The following KLF17 variants were observed in gnomAD, a reference collection of about 807,000 sequenced individuals.
KLF17 encodes KLF transcription factor 17, also known as Krueppel-like factor 17.
KLF17 carries 31 observed loss-of-function variants against 34.2 expected under a neutral mutation model. The ratio of observed to expected loss-of-function variants is 0.91; its 90% CI spans 0.68 to 1.22. KLF17 has a LOEUF of 1.22. KLF17 is among the 50% of genes most tolerant of loss of function. KLF17 has a pLI of 0.00. For synonymous variants in KLF17, 179 were observed against 186.7 expected, an observed-to-expected ratio of 0.96 and a Z score of 0.34; for missense variants, 478 against 505.2, an observed-to-expected ratio of 0.95 and a Z score of 0.52.
At chr1:44,050,732 T>C in the KLF17 span, among the ~76,000 whole-genome samples, 114,529 of 152,068 alleles carry the variant, frequency 0.75, 43,453 homozygotes, top group African/African-American at 0.82. Flanking sequence ...GCCTGGCTAA[T>C]ATGGTGAAAC....
the KLF17 span, among the ~76,000 whole-genome samples, chr1:44,111,463 G>GCTT: frequency 1.1e-5 from 1 of 90,476 alleles, no homozygotes; most frequent in Non-Finnish European, 2.1e-5. Context: ...TTTGCAACTT[G>GCTT]TTTTTTTTTT....
At chr1:44,095,969 T>C in the KLF17 span, among the ~76,000 whole-genome samples, 1 of 152,198 alleles carries the variant, frequency 6.6e-6, no homozygotes, top group Admixed American at 6.5e-5. Flanking sequence ...TGAGACAGAG[T>C]CTTGCTCTGT....
At chr1:44,053,587 C>T in the KLF17 span, among the ~76,000 whole-genome samples, 3 of 152,168 alleles carry the variant, frequency 2.0e-5, no homozygotes, top group Non-Finnish European at 4.4e-5. Context: ...ACCAGTACTA[C>T]CAGGAGTTGG....
At position 44,129,949 on chromosome 1, in the gene KLF17, G is replaced by A. The variant is rs771357715; in HGVS notation, c.678G>A (p.Glu226=). 3.7e-6 allele frequency: 6 copies of A among 1,614,060 alleles called. No homozygotes were observed. Among genetic ancestry groups the A allele is most frequent in the Non-Finnish European group, 5.1e-6 (6 of 1,180,052 alleles). Residue 226 remains glutamate (E), a synonymous_variant, in exon 2 of 4, where the codon GAG becomes GAA. Transcript: ENST00000372299. The part of the protein sequence containing the change: ...DAHDLGMPPA[E]SQSLLVLGSQ... ...ATGACCTTGGGATGCCCCCAGCTGA[G>A]TCCCAGTCATTGCTGGTTTTAGGAT...
chr1:44,061,508 A>G, the KLF17 span, among the ~76,000 whole-genome samples: 2 of 152,334 alleles, frequency 1.3e-5, no homozygotes, highest in South Asian at 2.1e-4. Context: ...TACCATTGCC[A>G]TGGCAATGCC....
chr1:44,125,556 C>T (rs1031633703), intron 1 of KLF17, among the ~76,000 whole-genome samples: 5 of 152,182 alleles, frequency 3.3e-5, no homozygotes, highest in African/African-American at 1.2e-4. Context: ...CAAACTCTGT[C>T]TCCTGGATTC....
chr1:44,069,476 G>T, the KLF17 span, among the ~76,000 whole-genome samples: 3 of 42,712 alleles, frequency 7.0e-5, no homozygotes, highest in African/African-American at 2.4e-4. The surrounding 1 kb of genome is among the most constrained non-coding windows in gnomAD (Gnocchi z 4.7). Context: ...TGGCGAGAGA[G>T]AGAGAGAGAG....
chr1:44,083,281 G>GT, the KLF17 span, among the ~76,000 whole-genome samples: 33,966 of 143,208 alleles, frequency 0.24, 4,262 homozygotes, highest in Non-Finnish European at 0.29. Flanking sequence ...ATTGAGTAGG[G>GT]TTTTTTTTTT....
chr1:44,125,615 C>T (rs2087998430), intron 1 of KLF17, among the ~76,000 whole-genome samples: 2 of 152,002 alleles, frequency 1.3e-5, no homozygotes, highest in Non-Finnish European at 2.9e-5. Context: ...TTACAGGTGC[C>T]CGCCACCACA....
chr1:44,112,717 C>T, the KLF17 span, among the ~76,000 whole-genome samples: 3 of 152,180 alleles, frequency 2.0e-5, no homozygotes, highest in African/African-American at 7.2e-5. Context: ...CTTCAGCCTT[C>T]CCTTTTCTGG....
intron 3 of KLF17, 105 bp downstream of exon 3, chr1:44,130,861 A>G (rs2088101037): frequency 4.4e-6 from 5 of 1,141,310 alleles, no homozygotes; most frequent in Non-Finnish European, 5.0e-6. Context: ...CAGTGGCGCA[A>G]TTCGGTTCAC....
the KLF17 span, among the ~76,000 whole-genome samples, chr1:44,063,743 T>C: frequency 6.6e-6 from 1 of 152,204 alleles, no homozygotes; most frequent in South Asian, 2.1e-4. Flanking sequence ...TTGTATAGTA[T>C]GTCAAAATCT....
chr1:44,118,751 G>T, upstream of KLF17: 1 of 541,694 alleles, frequency 1.8e-6, no homozygotes, highest in Non-Finnish European at 3.2e-6. Flanking sequence ...GCGGCGCAGG[G>T]CGGGACGGGT....
At chr1:44,120,558 T>A (rs925635328) in intron 1 of KLF17, among the ~76,000 whole-genome samples, 1 of 152,182 alleles carries the variant, frequency 6.6e-6, no homozygotes, top group Non-Finnish European at 1.5e-5. Context: ...CATAGTGGGA[T>A]GGAAGTCATC....
chr1:44,055,534 T>C, the KLF17 span, among the ~76,000 whole-genome samples: 1 of 152,164 alleles, frequency 6.6e-6, no homozygotes, highest in African/African-American at 2.4e-5. Flanking sequence ...AAGTGCCTCA[T>C]AAGAAGGCAA....
chr1:44,097,479 G>T, the KLF17 span, among the ~76,000 whole-genome samples: 1 of 152,012 alleles, frequency 6.6e-6, no homozygotes, highest in Non-Finnish European at 1.5e-5. Context: ...TCACGATATT[G>T]ATTCTAATGT....
the KLF17 span, among the ~76,000 whole-genome samples, chr1:44,087,727 TATA>T: frequency 1.3e-3 from 70 of 55,838 alleles, 1 homozygote; most frequent in Non-Finnish European, 1.6e-3. Context: ...ATATATTTTA[TATA>T]TATATATATA....
At chr1:44,087,429 C>CA in the KLF17 span, among the ~76,000 whole-genome samples, 38 of 150,744 alleles carry the variant, frequency 2.5e-4, no homozygotes, top group Non-Finnish European at 5.2e-4. Context: ...CTAATTAAAA[C>CA]AAAAAAAAAT....
At chr1:44,109,922 G>A in the KLF17 span, among the ~76,000 whole-genome samples, 8 of 127,882 alleles carry the variant, frequency 6.3e-5, no homozygotes, top group South Asian at 2.4e-4. Context: ...TTTTTTTTGC[G>A]GGGGGGACAG....
Sources: gnomAD v4.1 joint callset for allele counts (sites outside exome capture counted in the v4.1 genomes callset) on GRCh38, gnomAD v4.1.1 for gene constraint, Gnocchi (gnomAD v3.1) non-coding constraint, MANE v1.5 for transcripts, NCBI Gene and HGNC (gene_info 2026-07-23, HGNC 2026-07-21) for gene names.